FANCC: variants seen among roughly 807,000 people sequenced by gnomAD.
The protein encoded by FANCC is Fanconi anemia group C protein.
A neutral mutation model predicts 71.3 loss-of-function variants in FANCC; 55 were observed. That is an observed-to-expected ratio of 0.77 (90% CI 0.62 to 0.97). The LOEUF is 0.97. Ranked by LOEUF, FANCC falls within the 50% of genes least tolerant of loss-of-function variation. The probability of loss-of-function intolerance (pLI) is 0.00; values close to 1 mark genes in which losing one functional copy is unlikely to be tolerated. For synonymous variants in FANCC, 275 were observed against 244.9 expected (o/e 1.12, Z -1.15); for missense variants, 678 against 670.9 (o/e 1.01, Z -0.12).
intron 1 of FANCC, among the ~76,000 whole-genome samples, chr9:95,289,937 A>C (rs1216647263): frequency 1.3e-5 from 2 of 152,164 alleles, no homozygotes; most frequent in Non-Finnish European, 2.9e-5. Context: ...GGGATTACAG[A>C]CATGATCCAT....
chr9:95,194,913 A>C lies in FANCC; in HGVS notation c.346-22766T>G, dbSNP rs190374891. On this transcript the variant is annotated intron_variant, in intron 4 of 14. Coordinates refer to ENST00000289081, the MANE Select transcript of FANCC (RefSeq NM_000136.3). ...GGTAGCAAGTATAGAAACTATGCCTAGTTTGGCCAGGCTTGGTGGCTCACG... is the reference window on the plus strand; with the variant it reads ...GGTAGCAAGTATAGAAACTATGCCTCGTTTGGCCAGGCTTGGTGGCTCACG... Among the ~76,000 whole-genome samples, 51 of 152,224 alleles carry C rather than the reference A, an allele frequency of 3.4e-4. No homozygotes were observed. In the East Asian group the frequency reaches 9.5e-3, roughly 28 times the overall value.
chr9:95,291,967 A>AATATATATATATAT (rs34066396), intron 1 of FANCC, among the ~76,000 whole-genome samples: 35 of 50,414 alleles, frequency 6.9e-4, no homozygotes, highest in Admixed American at 1.7e-3. Flanking sequence ...AAAAAAAAAA[A>AATATATATATATAT]ATATATATAT....
intron 4 of FANCC, among the ~76,000 whole-genome samples, chr9:95,201,998 A>G (rs1018464642): frequency 3.3e-5 from 5 of 152,260 alleles, no homozygotes; most frequent in Non-Finnish European, 2.9e-5. Context: ...CATTTAATGT[A>G]ATATATAAGG....
At chr9:95,207,833 C>T (rs1828229506) in intron 4 of FANCC, among the ~76,000 whole-genome samples, 1 of 152,120 alleles carries the variant, frequency 6.6e-6, no homozygotes, top group Non-Finnish European at 1.5e-5. Flanking sequence ...ACAAATTTTA[C>T]TTCATCCTAA....
chr9:95,136,583 C>A (rs2135190903), intron 7 of FANCC, among the ~76,000 whole-genome samples: 1 of 152,250 alleles, frequency 6.6e-6, no homozygotes, highest in East Asian at 1.9e-4. Context: ...AACTCCTAGG[C>A]TCATGTGATC....
At chr9:95,303,441 C>G (rs988527722) in intron 1 of FANCC, among the ~76,000 whole-genome samples, 6 of 152,234 alleles carry the variant, frequency 3.9e-5, no homozygotes, top group African/African-American at 9.6e-5. Context: ...CTTTATGAAG[C>G]TGAGGTCCTA....
chr9:95,138,279 C>T (rs1434856667), intron 7 of FANCC, among the ~76,000 whole-genome samples: 1 of 152,222 alleles, frequency 6.6e-6, no homozygotes, highest in Non-Finnish European at 1.5e-5. Context: ...CAGGCCTGGG[C>T]TCAGCAGAAC....
intron 4 of FANCC, among the ~76,000 whole-genome samples, chr9:95,206,900 C>A (rs1207532336): frequency 1.3e-5 from 2 of 152,078 alleles, no homozygotes; most frequent in African/African-American, 2.4e-5. Flanking sequence ...TTTCCAGGAG[C>A]ATTATCCCAG....
At chr9:95,111,846 C>T (rs576755630) in intron 12 of FANCC, among the ~76,000 whole-genome samples, 1 of 152,166 alleles carries the variant, frequency 6.6e-6, no homozygotes, top group Non-Finnish European at 1.5e-5. Context: ...CCTCTCAGGA[C>T]CCCCGTGAGG....
At chr9:95,208,035 A>G (rs1036954356) in intron 4 of FANCC, among the ~76,000 whole-genome samples, 32 of 143,810 alleles carry the variant, frequency 2.2e-4, no homozygotes, top group Non-Finnish European at 3.5e-4. Context: ...AAGGGACAGG[A>G]AAGTATTAAA....
At chr9:95,251,091 C>T (rs1831302156) in intron 1 of FANCC, among the ~76,000 whole-genome samples, 1 of 152,194 alleles carries the variant, frequency 6.6e-6, no homozygotes, top group African/African-American at 2.4e-5. Context: ...ATCCTTTCTG[C>T]TGATTCCAGT....
At chr9:95,244,292 C>T (rs1158655018) in intron 3 of FANCC, among the ~76,000 whole-genome samples, 3 of 152,208 alleles carry the variant, frequency 2.0e-5, no homozygotes, top group South Asian at 2.1e-4. Flanking sequence ...TTGAGTCAGG[C>T]TGACCTGCTT....
intron 1 of FANCC, among the ~76,000 whole-genome samples, chr9:95,274,367 T>C (rs1588399422): frequency 6.6e-6 from 1 of 152,246 alleles, no homozygotes; most frequent in Non-Finnish European, 1.5e-5. Flanking sequence ...CCCTTTTTTA[T>C]GGCTATATAG....
intron 7 of FANCC, among the ~76,000 whole-genome samples, chr9:95,149,077 T>TA (rs1283849423): frequency 6.6e-6 from 1 of 152,214 alleles, no homozygotes; most frequent in African/African-American, 2.4e-5. Flanking sequence ...TCAAACATTT[T>TA]TTTTTTTGCC....
intron 4 of FANCC, among the ~76,000 whole-genome samples, chr9:95,190,170 A>C (rs1826995237): frequency 6.6e-6 from 1 of 151,472 alleles, no homozygotes; most frequent in Non-Finnish European, 1.5e-5. Context: ...GCACACGCAC[A>C]CCCCCCATGT....
At chr9:95,187,461 G>T (rs1826799762) in intron 4 of FANCC, among the ~76,000 whole-genome samples, 1 of 152,182 alleles carries the variant, frequency 6.6e-6, no homozygotes, top group Non-Finnish European at 1.5e-5. Context: ...AGAGGCCCAG[G>T]AGGAGCCAAG....
intron 6 of FANCC, among the ~76,000 whole-genome samples, chr9:95,166,053 A>C (rs1253664737): frequency 1.3e-5 from 2 of 151,984 alleles, no homozygotes; most frequent in Non-Finnish European, 2.9e-5. Context: ...AGTTTGATAT[A>C]AGTATGGCTA....
At chr9:95,253,096 C>T (rs1282316156) in intron 1 of FANCC, among the ~76,000 whole-genome samples, 1 of 152,190 alleles carries the variant, frequency 6.6e-6, no homozygotes, top group East Asian at 1.9e-4. Context: ...CTTCGCTCAG[C>T]AATAGAAATG....
At chr9:95,306,167 G>T (rs1336651794) in intron 1 of FANCC, among the ~76,000 whole-genome samples, 1 of 152,092 alleles carries the variant, frequency 6.6e-6, no homozygotes, top group African/African-American at 2.4e-5. Flanking sequence ...AATGCATCAA[G>T]GACCTTCAGA....
Sources: allele counts gnomAD v4.1 joint callset (sites outside exome capture counted in the v4.1 genomes callset), GRCh38; gene constraint gnomAD v4.1.1; transcripts MANE v1.5; gene names NCBI Gene and HGNC (gene_info 2026-07-23, HGNC 2026-07-21).